The following CMSS1 variants were observed in gnomAD, a reference collection of about 807,000 sequenced individuals.
CMSS1 encodes protein CMSS1.
In CMSS1, 33 loss-of-function variants were observed where a neutral mutation model predicts 43.5. That is an observed-to-expected ratio of 0.76 (90% CI 0.57 to 1.01). The LOEUF is 1.01. Ranked by LOEUF, CMSS1 falls within the 50% of genes least tolerant of loss-of-function variation. The pLI is 0.00. For missense variants in CMSS1, 313 were observed against 326.4 expected, an observed-to-expected ratio of 0.96 and a Z score of 0.32; for synonymous variants, 115 against 117.2, an observed-to-expected ratio of 0.98 and a Z score of 0.12.
chr3:99,909,589 G>T (rs1706727589), intron 1 of CMSS1, among the ~76,000 whole-genome samples: 1 of 152,152 alleles, frequency 6.6e-6, no homozygotes, highest in Non-Finnish European at 1.5e-5. Context: ...GTAAGAGAAT[G>T]AGTAGATTTA....
intron 1 of CMSS1, chr3:99,833,146 G>A (rs750867713): frequency 2.3e-5 from 28 of 1,211,732 alleles, no homozygotes; most frequent in Non-Finnish European, 3.3e-5. Context: ...CTCATTCATA[G>A]AAGAAAACGA....
intron 1 of CMSS1, among the ~76,000 whole-genome samples, chr3:100,017,511 C>G (rs1341819878): frequency 1.3e-5 from 2 of 152,198 alleles, no homozygotes; most frequent in Non-Finnish European, 2.9e-5. Flanking sequence ...AGAGTAAGCA[C>G]CATAGTAACC....
At chr3:100,054,113 C>T (rs2065420688) in intron 1 of CMSS1, among the ~76,000 whole-genome samples, 1 of 152,182 alleles carries the variant, frequency 6.6e-6, no homozygotes, top group Non-Finnish European at 1.5e-5. Flanking sequence ...AAGGGTCAAA[C>T]ATTTGTGTGC....
intron 1 of CMSS1, chr3:99,849,156 A>T (rs1456869241): frequency 1.9e-6 from 3 of 1,614,186 alleles, no homozygotes; most frequent in East Asian, 2.2e-5. Context: ...CAGATCCCTC[A>T]TCATTAGGGT....
intron 1 of CMSS1, among the ~76,000 whole-genome samples, chr3:100,108,959 A>G (rs2066440234): frequency 6.6e-6 from 1 of 152,082 alleles, no homozygotes; most frequent in Admixed American, 6.6e-5. Context: ...TTTGGAAGGC[A>G]GGTACTTAGA....
chr3:100,092,520 T>C (rs1160603336), intron 1 of CMSS1, among the ~76,000 whole-genome samples: 1 of 151,634 alleles, frequency 6.6e-6, no homozygotes, highest in Non-Finnish European at 1.5e-5. Flanking sequence ...TAAAGACAAA[T>C]TTCCTTAAAA....
At chr3:99,971,487 T>C (rs58704213) in intron 1 of CMSS1, among the ~76,000 whole-genome samples, 75,089 of 152,038 alleles carry the variant, frequency 0.49, 18,967 homozygotes, top group East Asian at 0.69. Flanking sequence ...AATACTGGTA[T>C]GGGACTCAGG....
At chr3:100,044,202 T>C (rs1203963761) in intron 1 of CMSS1, among the ~76,000 whole-genome samples, 1 of 152,232 alleles carries the variant, frequency 6.6e-6, no homozygotes, top group African/African-American at 2.4e-5. Flanking sequence ...TAACAAATTT[T>C]GATTGAGCGT....
chr3:99,878,126 G>C (rs1260582250), intron 1 of CMSS1, among the ~76,000 whole-genome samples: 4 of 152,134 alleles, frequency 2.6e-5, no homozygotes. Flanking sequence ...CTACTTGCCT[G>C]GTTACATTAC....
At chr3:99,834,303 A>G (rs1027921426) in intron 1 of CMSS1, among the ~76,000 whole-genome samples, 2 of 152,318 alleles carry the variant, frequency 1.3e-5, no homozygotes, top group Admixed American at 1.3e-4. Context: ...ATAGTGTTCT[A>G]CTTCTATGGC....
At chr3:100,026,592 C>T (rs1224343966) in intron 1 of CMSS1, among the ~76,000 whole-genome samples, 1 of 152,146 alleles carries the variant, frequency 6.6e-6, no homozygotes, top group East Asian at 1.9e-4. Flanking sequence ...TTTTCTTCTA[C>T]TTGTTCAAAG....
chr3:99,896,868 T>A (rs917933557), intron 1 of CMSS1, among the ~76,000 whole-genome samples: 4 of 152,188 alleles, frequency 2.6e-5, no homozygotes, highest in Non-Finnish European at 4.4e-5. Context: ...ATAATTTTCA[T>A]AACAAATCAG....
intron 1 of CMSS1, among the ~76,000 whole-genome samples, chr3:99,961,540 G>A (rs913457060): frequency 1.3e-5 from 2 of 152,182 alleles, no homozygotes; most frequent in Non-Finnish European, 1.5e-5. Flanking sequence ...ATCCAGTGAC[G>A]TGCAGCTGAA....
At chr3:100,044,862 G>A (rs1005442849) in intron 1 of CMSS1, among the ~76,000 whole-genome samples, 2 of 152,214 alleles carry the variant, frequency 1.3e-5, no homozygotes, top group Non-Finnish European at 2.9e-5. Context: ...GATTTAGGAG[G>A]TAGAGCTGAC....
At chr3:100,098,534 C>T (rs2066250591) in intron 1 of CMSS1, among the ~76,000 whole-genome samples, 1 of 152,184 alleles carries the variant, frequency 6.6e-6, no homozygotes, top group Non-Finnish European at 1.5e-5. Context: ...TTGACTGACT[C>T]TATAAGTTTT....
intron 1 of CMSS1, among the ~76,000 whole-genome samples, chr3:100,023,698 A>T (rs923655146): frequency 6.6e-6 from 1 of 152,066 alleles, no homozygotes; most frequent in African/African-American, 2.4e-5. Flanking sequence ...ATAAACCATG[A>T]TGTATGTCAT....
At chr3:99,931,815 C>T (rs1305777349) in intron 1 of CMSS1, among the ~76,000 whole-genome samples, 1 of 152,140 alleles carries the variant, frequency 6.6e-6, no homozygotes, top group East Asian at 1.9e-4. Flanking sequence ...ATTATATAAT[C>T]ATCCAAATGA....
chr3:99,924,169 TG>T, intron 1 of CMSS1: 2 of 1,385,904 alleles, frequency 1.4e-6, no homozygotes, highest in Non-Finnish European at 1.0e-6. Context: ...CCCTGAGACC[TG>T]GTACAGTGGC....
chr3:99,895,377 C>CTTTTT (rs35156845), intron 1 of CMSS1, among the ~76,000 whole-genome samples: 1 of 128,126 alleles, frequency 7.8e-6, no homozygotes, highest in Non-Finnish European at 1.7e-5. Flanking sequence ...GTCAGCAGGA[C>CTTTTT]TTTTTTTTTT....
Sources: allele counts gnomAD v4.1 joint callset (sites outside exome capture counted in the v4.1 genomes callset), GRCh38; gene constraint gnomAD v4.1.1; transcripts MANE v1.5; gene names NCBI Gene and HGNC (gene_info 2026-07-23, HGNC 2026-07-21).